The following LDLRAD4 variants were observed in gnomAD, a reference collection of about 807,000 sequenced individuals.
LDLRAD4 encodes low-density lipoprotein receptor class A domain-containing protein 4.
A neutral mutation model predicts 17.0 loss-of-function variants in LDLRAD4; 5 were observed. That is an observed-to-expected ratio of 0.29 (90% CI 0.15 to 0.62). The LOEUF is 0.62. Ranked by LOEUF, LDLRAD4 falls within the 20% of genes least tolerant of loss-of-function variation. The pLI is 0.84. For synonymous variants in LDLRAD4, 168 were observed against 171.8 expected, an observed-to-expected ratio of 0.98 and a Z score of 0.17; for missense variants, 340 against 424.7, an observed-to-expected ratio of 0.80 and a Z score of 1.75.
intron 3 of LDLRAD4, chr18:13,484,130 C>T (rs1324186353): frequency 6.6e-6 from 1 of 152,272 alleles, no homozygotes; most frequent in Non-Finnish European, 1.5e-5. Flanking sequence ...GTAAGACTCA[C>T]CTTCGTTTTC....
At chr18:13,510,598 C>G (rs28415200) in intron 3 of LDLRAD4, among the ~76,000 whole-genome samples, 57,285 of 151,950 alleles carry the variant, frequency 0.38, 11,858 homozygotes, top group Middle Eastern at 0.56. Context: ...GATGGGTGCA[C>G]TAAAATCCAG....
chr18:13,412,176 G>T (rs1187189929), intron 2 of LDLRAD4, among the ~76,000 whole-genome samples: 1 of 152,126 alleles, frequency 6.6e-6, no homozygotes, highest in African/African-American at 2.4e-5. Context: ...TTTGCTCAGG[G>T]CAATTCCCTA....
intron 1 of LDLRAD4, among the ~76,000 whole-genome samples, chr18:13,347,345 G>T (rs1213087665): frequency 6.6e-6 from 1 of 152,126 alleles, no homozygotes; most frequent in Non-Finnish European, 1.5e-5. Context: ...TAGTTTGGCT[G>T]GATATGAAAT....
At chr18:13,293,120 C>T (rs1260155499) in intron 1 of LDLRAD4, among the ~76,000 whole-genome samples, 1 of 152,254 alleles carries the variant, frequency 6.6e-6, no homozygotes, top group African/African-American at 2.4e-5. Context: ...CTCTTGGCTA[C>T]ATTACAGTTT....
intron 1 of LDLRAD4, among the ~76,000 whole-genome samples, chr18:13,374,294 G>C (rs1568066499): frequency 6.6e-6 from 1 of 152,230 alleles, no homozygotes; most frequent in Non-Finnish European, 1.5e-5. Flanking sequence ...GTCTCCTGTG[G>C]AGGCCAGAGC....
At chr18:13,395,606 G>C (rs1405126700) in intron 2 of LDLRAD4, among the ~76,000 whole-genome samples, 1 of 69,676 alleles carries the variant, frequency 1.4e-5, no homozygotes, top group Admixed American at 1.5e-4. Flanking sequence ...GCGTGGGGGC[G>C]GGAGTTGGCG....
At chr18:13,269,932 C>T (rs528676547) in intron 1 of LDLRAD4, among the ~76,000 whole-genome samples, 2 of 152,202 alleles carry the variant, frequency 1.3e-5, no homozygotes, top group Non-Finnish European at 2.9e-5. Context: ...GCTGCCTTCA[C>T]AGCAGGCTCT....
At chr18:13,249,852 G>C (rs2043146448) in intron 1 of LDLRAD4, among the ~76,000 whole-genome samples, 1 of 152,062 alleles carries the variant, frequency 6.6e-6, no homozygotes, top group South Asian at 2.1e-4. Flanking sequence ...ATTTCCCTGT[G>C]TTTTCTTCTA....
chr18:13,399,662 C>T lies in LDLRAD4; in HGVS notation c.40+11900C>T, dbSNP rs185143326. Among the ~76,000 whole-genome samples the T allele has an allele frequency of 5.3e-3, 813 of 152,350 alleles. 3 individuals are homozygous for T. Among genetic ancestry groups the T allele is most frequent in the Non-Finnish European group, 8.7e-3 (595 of 68,032 alleles). ...AGAGCCACATGGGCGTCCCATTTGCCAGTGGCATCTGAGGACATCCTTAGA... is the reference window on the plus strand; with the variant it reads ...AGAGCCACATGGGCGTCCCATTTGCTAGTGGCATCTGAGGACATCCTTAGA... On this transcript the variant is annotated intron_variant, in intron 2 of 5. Transcript: ENST00000359446.
chr18:13,220,868 A>G (rs1055356482), intron 1 of LDLRAD4, among the ~76,000 whole-genome samples: 2 of 152,338 alleles, frequency 1.3e-5, no homozygotes, highest in Admixed American at 6.5e-5. Context: ...CAGGCAGTCC[A>G]GCAGAGATCC....
At chr18:13,574,737 C>T (rs547955723) in intron 3 of LDLRAD4, among the ~76,000 whole-genome samples, 1 of 152,154 alleles carries the variant, frequency 6.6e-6, no homozygotes, top group Non-Finnish European at 1.5e-5. Context: ...ATTTTCAGGA[C>T]CATCTTACAA....
intron 3 of LDLRAD4, among the ~76,000 whole-genome samples, chr18:13,539,438 CT>C (rs1053748538): frequency 6.6e-6 from 1 of 152,210 alleles, no homozygotes; most frequent in African/African-American, 2.4e-5. Flanking sequence ...TAGTATTTCT[CT>C]TTTGCCAATA....
chr18:13,312,992 T>C (rs891635909), intron 1 of LDLRAD4, among the ~76,000 whole-genome samples: 11 of 152,206 alleles, frequency 7.2e-5, no homozygotes, highest in African/African-American at 2.7e-4. Flanking sequence ...GTGCTTTCCA[T>C]TTTTCTTCTT....
At chr18:13,492,602 C>T (rs1004047130) in intron 3 of LDLRAD4, among the ~76,000 whole-genome samples, 2 of 152,216 alleles carry the variant, frequency 1.3e-5, no homozygotes, top group Admixed American at 6.5e-5. Flanking sequence ...AGACCCTACT[C>T]AGGAGTGGGA....
intron 1 of LDLRAD4, among the ~76,000 whole-genome samples, chr18:13,302,180 C>T (rs746492682): frequency 1.3e-5 from 2 of 152,250 alleles, no homozygotes; most frequent in Non-Finnish European, 2.9e-5. Flanking sequence ...TTGTAATTCA[C>T]TGCTGTCGCC....
chr18:13,355,136 C>T (rs1599633642), intron 1 of LDLRAD4, among the ~76,000 whole-genome samples: 2 of 152,238 alleles, frequency 1.3e-5, no homozygotes, highest in Admixed American at 6.5e-5. Flanking sequence ...CAGAGGGCCT[C>T]TCAGATGAGG....
intron 3 of LDLRAD4, among the ~76,000 whole-genome samples, chr18:13,504,099 A>G (rs1033754916): frequency 2.6e-5 from 4 of 152,164 alleles, no homozygotes; most frequent in Admixed American, 2.6e-4. Context: ...CTCGCCTTGA[A>G]TCACACAAGT....
At chr18:13,254,025 CA>C (rs1322988118) in intron 1 of LDLRAD4, among the ~76,000 whole-genome samples, 21 of 152,214 alleles carry the variant, frequency 1.4e-4, no homozygotes, top group Admixed American at 1.4e-3. Context: ...TCAGATGAGT[CA>C]ATGCAGACCT....
intron 1 of LDLRAD4, among the ~76,000 whole-genome samples, chr18:13,259,018 A>G (rs1298094405): frequency 6.6e-6 from 1 of 152,238 alleles, no homozygotes; most frequent in Non-Finnish European, 1.5e-5. Flanking sequence ...TAGGTCAATG[A>G]TCTTGTTGTG....
Sources: allele counts gnomAD v4.1 joint callset (sites outside exome capture counted in the v4.1 genomes callset), GRCh38; gene constraint gnomAD v4.1.1; transcripts MANE v1.5; gene names NCBI Gene and HGNC (gene_info 2026-07-23, HGNC 2026-07-21).